PIK3C2G: variants seen among roughly 807,000 people sequenced by gnomAD.
PIK3C2G encodes phosphatidylinositol 3-kinase C2 domain-containing subunit gamma.
PIK3C2G carries 168 observed loss-of-function variants against 181.1 expected under a neutral mutation model. The observed-to-expected ratio is 0.93, with a 90% CI of 0.82 to 1.05. PIK3C2G has a LOEUF of 1.05. Among genes scored for constraint, PIK3C2G ranks in the 50% least tolerant of loss-of-function variants. The probability of loss-of-function intolerance (pLI) is 0.00; values close to 1 mark genes in which losing one functional copy is unlikely to be tolerated. For synonymous variants in PIK3C2G, 573 were observed against 592.2 expected, an observed-to-expected ratio of 0.97 and a Z score of 0.47; for missense variants, 1,869 against 1,732.8, an observed-to-expected ratio of 1.08 and a Z score of -1.40.
chr12:18,637,902 C>A (rs1208517659), intron 31 of PIK3C2G, among the ~76,000 whole-genome samples: 1 of 152,218 alleles, frequency 6.6e-6, no homozygotes, highest in Non-Finnish European at 1.5e-5. Context: ...ACCCAGCACA[C>A]TGTTAGAACC....
intron 29 of PIK3C2G, among the ~76,000 whole-genome samples, chr12:18,583,632 T>C (rs1443395225): frequency 1.3e-5 from 2 of 152,148 alleles, no homozygotes; most frequent in African/African-American, 4.8e-5. Flanking sequence ...ACATACTGTT[T>C]GCCACACAGG....
At chr12:18,278,945 T>C (rs1211452026) in intron 1 of PIK3C2G, among the ~76,000 whole-genome samples, 1 of 152,056 alleles carries the variant, frequency 6.6e-6, no homozygotes, top group African/African-American at 2.4e-5. Context: ...TTTCTCATTC[T>C]CCTTTATCTC....
chr12:18,478,818 T>C (rs911043571), intron 18 of PIK3C2G, among the ~76,000 whole-genome samples: 4 of 151,710 alleles, frequency 2.6e-5, no homozygotes, highest in Admixed American at 2.0e-4. Flanking sequence ...CTACAAAAAA[T>C]TTAAAAATTA....
chr12:18,420,880 C>A (rs946312346), intron 16 of PIK3C2G, 61 bp from the exon 17 acceptor site: 2 of 848,498 alleles, frequency 2.4e-6, no homozygotes, highest in Non-Finnish European at 4.1e-6. Context: ...TTCTCCCTGA[C>A]ATGTCTTATG....
Position 18,282,964 on chromosome 12 carries a change from A to G in PIK3C2G, c.678+205A>G, listed in dbSNP as rs543632492. ...AGGGAAATTAAAAAAAAAATCATCT[A>G]TAAAGTTCCAGTTCCAGTTTCATCA... is the stretch of plus-strand genomic sequence containing the variant. On this transcript the variant is annotated intron_variant, in intron 2 of 32. Coordinates refer to ENST00000538779, the MANE Select transcript of PIK3C2G (RefSeq NM_001288772.2). 3.3e-5 allele frequency among the ~76,000 whole-genome samples: 5 copies of G among 152,022 alleles called. No homozygotes were observed. The East Asian group carries it at 7.7e-4, about 23-fold the overall frequency.
At chr12:18,680,145 A>G in the PIK3C2G span, among the ~76,000 whole-genome samples, 1 of 151,964 alleles carries the variant, frequency 6.6e-6, no homozygotes, top group Non-Finnish European at 1.5e-5. Context: ...GATATTAAGA[A>G]CTCTTGAAAA....
chr12:18,352,366 G>A (rs1391443384), intron 11 of PIK3C2G, among the ~76,000 whole-genome samples: 1 of 152,180 alleles, frequency 6.6e-6, no homozygotes, highest in Non-Finnish European at 1.5e-5. Context: ...CTCATGAAGG[G>A]GTTGGCTTGT....
chr12:18,557,247 T>C (rs1258502896), intron 26 of PIK3C2G, among the ~76,000 whole-genome samples: 2 of 152,064 alleles, frequency 1.3e-5, no homozygotes, highest in Non-Finnish European at 2.9e-5. Context: ...AATTAAACTT[T>C]GTTATGAAGT....
At chr12:18,478,224 C>T (rs1939199833) in intron 18 of PIK3C2G, among the ~76,000 whole-genome samples, 1 of 152,052 alleles carries the variant, frequency 6.6e-6, no homozygotes, top group African/African-American at 2.4e-5. Flanking sequence ...CTTAAAATTC[C>T]ATGAGCATGG....
chr12:18,723,321 A>G, the PIK3C2G span: 1 of 1,610,194 alleles, frequency 6.2e-7, no homozygotes. Context: ...CTTCTTCGAT[A>G]GGCTCGTATT....
chr12:18,585,896 G>T (rs1946747836), intron 29 of PIK3C2G, among the ~76,000 whole-genome samples: 1 of 151,986 alleles, frequency 6.6e-6, no homozygotes, highest in South Asian at 2.1e-4. Flanking sequence ...TAAAAATATT[G>T]CTCAAAACTA....
At chr12:18,406,600 C>G (rs945507885) in intron 16 of PIK3C2G, among the ~76,000 whole-genome samples, 2 of 151,976 alleles carry the variant, frequency 1.3e-5, no homozygotes, top group African/African-American at 4.8e-5. Context: ...GAGCTTCCAG[C>G]GTGCTTACAA....
chr12:18,625,431 C>T (rs183190208), intron 31 of PIK3C2G, among the ~76,000 whole-genome samples: 37 of 151,778 alleles, frequency 2.4e-4, no homozygotes, highest in African/African-American at 4.8e-4. Context: ...ACTTTTATTA[C>T]GGCCTAACAT....
the PIK3C2G span, chr12:18,694,917 G>GT: frequency 6.3e-7 from 1 of 1,588,324 alleles, no homozygotes; most frequent in African/African-American, 1.3e-5. Flanking sequence ...TACCCTTATT[G>GT]TAAGTGTAAT....
At chr12:18,615,375 G>GTATGCATA (rs1555150546) in intron 31 of PIK3C2G, among the ~76,000 whole-genome samples, 12 of 89,580 alleles carry the variant, frequency 1.3e-4, no homozygotes, top group African/African-American at 3.7e-4. Flanking sequence ...GTGTGTATGT[G>GTATGCATA]TATATATATA....
At chr12:18,700,512 CAAAAAAAA>C in the PIK3C2G span, among the ~76,000 whole-genome samples, 183 of 67,900 alleles carry the variant, frequency 2.7e-3, no homozygotes, top group African/African-American at 1.0e-2. Flanking sequence ...AGCCAACGTA[CAAAAAAAA>C]AAAAAAAAAA....
the PIK3C2G span, among the ~76,000 whole-genome samples, chr12:18,725,779 T>TTTTG: frequency 1.3e-5 from 2 of 152,106 alleles, no homozygotes; most frequent in African/African-American, 2.4e-5. Flanking sequence ...CGTTGTTGTT[T>TTTTG]TTTGTTTGTT....
intron 18 of PIK3C2G, among the ~76,000 whole-genome samples, chr12:18,429,275 C>T (rs1017246572): frequency 8.5e-5 from 13 of 152,098 alleles, no homozygotes; most frequent in African/African-American, 2.4e-4. Context: ...AGGTTCTCCC[C>T]GGAGCCTTGG....
intron 11 of PIK3C2G, among the ~76,000 whole-genome samples, chr12:18,347,302 G>A (rs1939761706): frequency 6.6e-6 from 1 of 152,050 alleles, no homozygotes; most frequent in Non-Finnish European, 1.5e-5. Flanking sequence ...ATGAGAATTA[G>A]CCAAGAATTA....
Sources: gnomAD v4.1 joint callset for allele counts (sites outside exome capture counted in the v4.1 genomes callset) on GRCh38, gnomAD v4.1.1 for gene constraint, MANE v1.5 for transcripts, NCBI Gene and HGNC (gene_info 2026-07-23, HGNC 2026-07-21) for gene names.